Variants in CPQ observed in about 807,000 individuals in gnomAD.
CPQ encodes the protein carboxypeptidase Q.
Under a neutral mutation model 45.7 loss-of-function variants are expected in CPQ, and 37 were observed. The ratio of observed to expected loss-of-function variants is 0.81; its 90% CI spans 0.62 to 1.07. The LOEUF (loss-of-function observed/expected upper bound fraction) is 1.07. Among genes scored for constraint, CPQ ranks in the 50% least tolerant of loss-of-function variants. CPQ has a pLI of 0.00. For synonymous variants in CPQ, 186 were observed against 205.8 expected (o/e 0.90, Z 0.82); for missense variants, 537 against 572.9 (o/e 0.94, Z 0.64).
intron 4 of CPQ, among the ~76,000 whole-genome samples, chr8:96,880,226 A>T (rs1417263923): frequency 6.6e-6 from 1 of 152,078 alleles, no homozygotes; most frequent in African/African-American, 2.4e-5. Context: ...AGAATAATAG[A>T]TGTTGGTGAG....
At chr8:96,777,403 A>G (rs1363587113) in intron 1 of CPQ, among the ~76,000 whole-genome samples, 1 of 151,914 alleles carries the variant, frequency 6.6e-6, no homozygotes, top group Non-Finnish European at 1.5e-5. Context: ...ATACGGAAGG[A>G]TGGGAGGGAG....
chr8:96,750,494 G>A (rs1333833388), intron 1 of CPQ, among the ~76,000 whole-genome samples: 1 of 151,494 alleles, frequency 6.6e-6, no homozygotes, highest in East Asian at 1.9e-4. Context: ...GGTAGTGTAG[G>A]TTTTATTGGT....
intron 5 of CPQ, among the ~76,000 whole-genome samples, chr8:96,970,633 G>A (rs944019790): frequency 6.6e-6 from 1 of 150,536 alleles, no homozygotes; most frequent in African/African-American, 2.4e-5. Flanking sequence ...GTGCGATCTC[G>A]GCTCACTGCA....
intron 4 of CPQ, among the ~76,000 whole-genome samples, chr8:96,913,629 G>C (rs1429094254): frequency 2.0e-5 from 3 of 152,182 alleles, no homozygotes; most frequent in East Asian, 1.9e-4. Context: ...ATGATTTCAG[G>C]ATGGAGAGTA....
At chr8:96,807,812 A>G (rs1811104613) in intron 2 of CPQ, among the ~76,000 whole-genome samples, 1 of 152,226 alleles carries the variant, frequency 6.6e-6, no homozygotes. Flanking sequence ...TAAGTTGTCA[A>G]GACAGATTGC....
intron 5 of CPQ, among the ~76,000 whole-genome samples, chr8:96,996,076 G>T (rs1809174461): frequency 1.3e-5 from 2 of 152,010 alleles, no homozygotes; most frequent in Non-Finnish European, 2.9e-5. Flanking sequence ...GAAAGAACAG[G>T]GTGGACGATG....
chr8:97,093,735 C>T (rs1811164485), intron 7 of CPQ, among the ~76,000 whole-genome samples: 1 of 152,122 alleles, frequency 6.6e-6, no homozygotes, highest in Non-Finnish European at 1.5e-5. Context: ...TTTCTGTATT[C>T]TTTGTAAAGG....
intron 1 of CPQ, among the ~76,000 whole-genome samples, chr8:96,738,909 C>T (rs1197028754): frequency 6.6e-5 from 10 of 151,922 alleles, no homozygotes; most frequent in Admixed American, 1.3e-4. Flanking sequence ...TGAATAATGC[C>T]GCAATAAACA....
intron 2 of CPQ, among the ~76,000 whole-genome samples, chr8:96,803,966 C>T (rs1811042561): frequency 6.6e-6 from 1 of 152,046 alleles, no homozygotes; most frequent in South Asian, 2.1e-4. Flanking sequence ...ACAGATGAGT[C>T]AAATGAGGAG....
At chr8:96,960,561 G>A (rs1813442223) in intron 4 of CPQ, among the ~76,000 whole-genome samples, 1 of 152,116 alleles carries the variant, frequency 6.6e-6, no homozygotes, top group Non-Finnish European at 1.5e-5. Flanking sequence ...GATTACACAT[G>A]TTCTCACCAC....
chr8:96,681,813 C>T (rs922492895), intron 1 of CPQ, among the ~76,000 whole-genome samples: 3 of 152,182 alleles, frequency 2.0e-5, no homozygotes, highest in South Asian at 4.1e-4. Flanking sequence ...CCATGGGAGC[C>T]CACTTCTTAC....
chr8:96,887,791 G>A (rs370909661), intron 4 of CPQ, among the ~76,000 whole-genome samples: 51 of 152,206 alleles, frequency 3.4e-4, no homozygotes, highest in African/African-American at 1.2e-3. Flanking sequence ...AGTGGTTGGC[G>A]GTTGATGGTA....
chr8:97,017,181 G>A (rs879601935), intron 5 of CPQ, among the ~76,000 whole-genome samples: 10 of 152,254 alleles, frequency 6.6e-5, no homozygotes, highest in African/African-American at 9.6e-5. Context: ...AGAAGATTCC[G>A]ACCTTACATG....
At chr8:96,854,546 A>AC (rs1811817701) in intron 3 of CPQ, among the ~76,000 whole-genome samples, 4 of 117,334 alleles carry the variant, frequency 3.4e-5, no homozygotes, top group African/African-American at 6.1e-5. Context: ...AAAAAAAAAA[A>AC]AAAAAAAAAA....
chr8:96,893,588 CT>C (rs1812404915), intron 4 of CPQ, among the ~76,000 whole-genome samples: 1 of 152,144 alleles, frequency 6.6e-6, no homozygotes, highest in African/African-American at 2.4e-5. Context: ...ATGATTCCCA[CT>C]TTAAAGATGA....
intron 7 of CPQ, among the ~76,000 whole-genome samples, chr8:97,119,710 G>A (rs543540345): frequency 3.9e-5 from 6 of 152,258 alleles, no homozygotes; most frequent in East Asian, 1.9e-4. Flanking sequence ...CCCCTGCATC[G>A]TGACACTACA....
intron 3 of CPQ, among the ~76,000 whole-genome samples, chr8:96,859,107 A>G (rs183097096): frequency 4.5e-4 from 69 of 152,318 alleles, no homozygotes; most frequent in African/African-American, 1.5e-3. Context: ...CCTTTCCTCT[A>G]CTAGGCAGAT....
chr8:96,745,325 C>T (rs999040071), intron 1 of CPQ, among the ~76,000 whole-genome samples: 5 of 151,720 alleles, frequency 3.3e-5, no homozygotes, highest in South Asian at 2.1e-4. Context: ...AAAATGTATA[C>T]GGGAACTGGA....
intron 3 of CPQ, among the ~76,000 whole-genome samples, chr8:96,842,971 G>T (rs1285133858): frequency 6.6e-6 from 1 of 152,124 alleles, no homozygotes; most frequent in African/African-American, 2.4e-5. Flanking sequence ...AATGGCATGA[G>T]TTCGGCTAAC....
Sources: gnomAD v4.1 joint callset for allele counts (sites outside exome capture counted in the v4.1 genomes callset) on GRCh38, gnomAD v4.1.1 for gene constraint, MANE v1.5 for transcripts, NCBI Gene and HGNC (gene_info 2026-07-23, HGNC 2026-07-21) for gene names.